Variants in CHD8 observed in about 807,000 individuals in gnomAD.
The protein encoded by CHD8 is chromodomain helicase DNA binding protein 8.
In CHD8, 31 loss-of-function variants were observed where a neutral mutation model predicts 279.2. The observed-to-expected ratio is 0.11, with a 90% CI of 0.08 to 0.15. The LOEUF (loss-of-function observed/expected upper bound fraction) is 0.15, where lower values mean the gene tolerates loss of function less well. Among genes scored for constraint, CHD8 ranks in the 10% least tolerant of loss-of-function variants. CHD8 has a pLI of 1.00. For missense variants in CHD8, 2,146 were observed against 3,230.5 expected (o/e 0.66, Z 8.14); for synonymous variants, 1,081 against 1,139.6 (o/e 0.95, Z 1.04).
chr14:21,394,914 T>G lies in CHD8; in HGVS notation c.5388A>C (p.Gln1796His). Reference sequence around the variant, plus strand: ...ACAAGTTCCCAGCTATATTTTACCGTTGTTGTTTCTCCCGCCGTGCAATTT... The same window carrying G: ...ACAAGTTCCCAGCTATATTTTACCGGTGTTGTTTCTCCCGCCGTGCAATTT... ...LKEIARREKQ[Q>H]RWTRREQTDF... The change falls in exon 30 of 38, where the codon CAA (glutamine) becomes CAC (histidine). Residue 1796 changes from glutamine (Q) to histidine (H), a missense_variant and splice_region_variant. Gln to His is a conservative substitution (Grantham distance 24). Around this residue, in one of 26 missense-constraint regions of CHD8, gnomAD observed 513 missense variants for 637.6 expected, o/e 0.80. Transcript: ENST00000646647. The G allele has an allele frequency of 6.2e-7, 1 of 1,613,590 alleles. No homozygotes were observed. The highest frequency in any genetic ancestry group is 8.5e-7 in the Non-Finnish European group (1 of 1,179,526).
At position 21,403,005 on chromosome 14, in the gene CHD8, G is replaced by C; in HGVS notation, c.3714+12C>G. The C allele has an allele frequency of 6.2e-7, 1 of 1,606,374 alleles. No individual in the cohort carries two copies. Among genetic ancestry groups the C allele is most frequent in the Admixed American group, 1.7e-5 (1 of 59,618 alleles). On this transcript the variant is annotated intron_variant, in intron 18 of 37. Coordinates refer to ENST00000646647, the MANE Select transcript of CHD8 (RefSeq NM_001170629.2). This position sits in a 1 kb window ranked among gnomAD's most constrained non-coding sequence, Gnocchi z 4.3. The stretch of plus-strand genomic sequence containing the variant: ...TTAGGTAGTTAGTCCCTAAGACAAT[G>C]AATTCCTTTACCTGCAGGTCATTTT...
chr14:21,418,380 C>A (rs1392078239), intron 5 of CHD8, among the ~76,000 whole-genome samples: 1 of 151,732 alleles, frequency 6.6e-6, no homozygotes, highest in Admixed American at 6.6e-5. Context: ...ATGAGATGGG[C>A]ATGGTGGCGT....
At chr14:21,404,545 A>G (rs1294279237) in intron 16 of CHD8, among the ~76,000 whole-genome samples, 1 of 152,338 alleles carries the variant, frequency 6.6e-6, no homozygotes, top group East Asian at 1.9e-4. Context: ...CAGCACCCAA[A>G]AGAGACAGAA....
At chr14:21,446,187 G>A (rs554918435) in intron 1 of CHD8, among the ~76,000 whole-genome samples, 5 of 152,216 alleles carry the variant, frequency 3.3e-5, no homozygotes, top group African/African-American at 7.2e-5. Flanking sequence ...GCGAGATTCC[G>A]TCTCAGAAAA....
rs747531464 is a variant in CHD8, at chr14:21,428,045, G to A, written c.1425C>T (p.Arg475=). The change falls in exon 4 of 38, where the codon CGC becomes CGT. Residue 475 remains arginine (R), a synonymous_variant. Coordinates refer to ENST00000646647, the MANE Select transcript of CHD8 (RefSeq NM_001170629.2). ...AGACTCGAGGTATGTTCTGCTCACC[G>A]CGGGCACGGGCTCTCGCAATGGCCT... ...VAEAIARARA[R]GEQNIPRVLN... is the part of the protein sequence containing the mutation. The A allele has an allele frequency of 6.2e-6, 10 of 1,614,010 alleles. No individual in the cohort carries two copies. Among genetic ancestry groups the A allele is most frequent in the South Asian group, 3.3e-5 (3 of 91,082 alleles).
Position 21,393,891 on chromosome 14 carries a change from A to G in CHD8, c.5904T>C (p.His1968=). Residue 1968 remains histidine (H), a synonymous_variant, in exon 32 of 38, where the codon CAT becomes CAC. Transcript: ENST00000646647. ...AGGATGGAGCTGGTGCTCCTGCTTGATGGTTCTGCATATAATTCATACGGG... is the reference window on the plus strand; with the variant it reads ...AGGATGGAGCTGGTGCTCCTGCTTGGTGGTTCTGCATATAATTCATACGGG... ...LAARMNYMQN[H]QAGAPAPSLS... 5.0e-6 allele frequency: 8 copies of G among 1,613,952 alleles called. No individual in the cohort carries two copies. The highest frequency in any genetic ancestry group is 6.8e-6 in the Non-Finnish European group (8 of 1,179,874).
In CHD8 at chr14:21,385,863, GGGTGGT is replaced by G. The variant is rs774490485; in HGVS notation, c.7490_7495del (p.His2497_His2498del). 16 of 1,542,358 alleles carry G rather than the reference GGGTGGT, an allele frequency of 1.0e-5. No homozygotes were observed. Among genetic ancestry groups the G allele is most frequent in the African/African-American group, 5.5e-5 (4 of 72,652 alleles). ...GTGATGGTGGTGATGGTGGGGGTGG[GGGTGGT>G]GGTGGTGGTGATGAAGCATGGTGCT... On this transcript the variant is annotated inframe_deletion, in exon 38 of 38. Coordinates refer to ENST00000646647, the MANE Select transcript of CHD8 (RefSeq NM_001170629.2).
Position 21,395,042 on chromosome 14 carries a change from T to C in CHD8, c.5260A>G (p.Thr1754Ala). 6.2e-7 allele frequency: 1 copy of C among 1,614,032 alleles called. No individual in the cohort carries two copies. Among genetic ancestry groups the C allele is most frequent in the Non-Finnish European group, 8.5e-7 (1 of 1,179,904 alleles). The change falls in exon 30 of 38, where the codon ACA (threonine) becomes GCA (alanine). Residue 1754 changes from threonine to alanine, a missense_variant. Physicochemically the swap from Thr to Ala is moderately conservative, Grantham distance 58. Transcript: ENST00000646647. ...CTCTTGTAGCTGCGCTGATACGCTG[T>C]TACTAGACGCCGAAGCCTAGCTGTT... ...ALTARLRRLV[T>A]AYQRSYKREQ...
chr14:21,432,499 A>G (rs1285909777), intron 1 of CHD8, among the ~76,000 whole-genome samples: 1 of 152,220 alleles, frequency 6.6e-6, no homozygotes, highest in Non-Finnish European at 1.5e-5. Flanking sequence ...AAAAAGGTCA[A>G]TTGCAAGGGA....
intron 27 of CHD8, 38 bp downstream of exon 27, chr14:21,397,785 C>G: frequency 6.2e-7 from 1 of 1,600,738 alleles, no homozygotes; most frequent in Non-Finnish European, 8.5e-7. Context: ...TTTCACGGCA[C>G]AAGTTAGAGT....
At chr14:21,448,385 A>C (rs1485467203) in intron 1 of CHD8, among the ~76,000 whole-genome samples, 1 of 152,250 alleles carries the variant, frequency 6.6e-6, no homozygotes, top group Non-Finnish European at 1.5e-5. Flanking sequence ...AACTAAGTTA[A>C]ATAAAAGAAA....
intron 1 of CHD8, among the ~76,000 whole-genome samples, chr14:21,448,562 C>CT (rs1382378885): frequency 3.3e-5 from 5 of 151,232 alleles, no homozygotes; most frequent in East Asian, 2.0e-4. Context: ...CAGCACTGAA[C>CT]TTTTTTTTTG....
At chr14:21,429,480 T>C (rs1287404333) in intron 2 of CHD8, 145 bp from the exon 3 acceptor site, 4 of 870,126 alleles carry the variant, frequency 4.6e-6, no homozygotes, top group Non-Finnish European at 7.8e-6. Flanking sequence ...TCATCCTATC[T>C]GTCTTGATGC....
rs1372623246 is a variant in CHD8, at chr14:21,391,739, T to C, written c.6885+94A>G. On this transcript the variant is annotated intron_variant, in intron 35 of 37. Coordinates refer to ENST00000646647, the MANE Select transcript of CHD8 (RefSeq NM_001170629.2). ...AATGGTAGTCATGAAATGACTCTAG[T>C]ATTTTCCATTCCCCCAGTCCCACTG... 2.6e-6 allele frequency: 4 copies of C among 1,516,704 alleles called. No individual in the cohort carries two copies. The African/African-American group carries it at 5.5e-5, about 21-fold the overall frequency. The allele number at this position is 1,516,704 out of a possible 1,614,324, so 94.0% of individuals were successfully genotyped here. A position where few individuals can be genotyped will look rare whatever the true frequency, so the allele number is the denominator to read the frequency against.
At chr14:21,440,934 T>C (rs935831914) in intron 1 of CHD8, among the ~76,000 whole-genome samples, 3 of 152,052 alleles carry the variant, frequency 2.0e-5, no homozygotes, top group Non-Finnish European at 2.9e-5. Flanking sequence ...CATTTGCTAG[T>C]TTTTTTCTGC....
intron 28 of CHD8, 167 bp downstream of exon 28, chr14:21,395,650 C>A: frequency 1.6e-6 from 1 of 611,640 alleles, no homozygotes. Flanking sequence ...TCTCCCCCTA[C>A]TGGCATTACA....
At position 21,393,473 on chromosome 14, in the gene CHD8, C is replaced by A; in HGVS notation, c.6319+3G>T. 6.4e-7 allele frequency: 1 copy of A among 1,558,272 alleles called. No homozygotes were observed. The highest frequency in any genetic ancestry group is 8.7e-7 in the Non-Finnish European group (1 of 1,150,654). On this transcript the variant is annotated splice_donor_region_variant and intron_variant, in intron 32 of 37. Transcript: ENST00000646647. ...GGGCCAACAGCCTGTCACATGCACT[C>A]ACTTAGCTTCTCTTCCTTCTCATCC... is the stretch of plus-strand genomic sequence containing the variant.
At chr14:21,392,058 A>C in intron 34 of CHD8, 112 bp from the exon 35 acceptor site, 1 of 813,502 alleles carries the variant, frequency 1.2e-6, no homozygotes, top group East Asian at 2.4e-5. Context: ...AATGATGGTG[A>C]GAAGGAAGGC....
chr14:21,409,833 T>C lies in CHD8; in HGVS notation c.2364+18A>G, dbSNP rs780532642. The C allele has an allele frequency of 2.5e-6, 4 of 1,608,030 alleles. No homozygotes were observed. Among genetic ancestry groups the C allele is most frequent in the Non-Finnish European group, 3.4e-6 (4 of 1,177,174 alleles). On this transcript the variant is annotated intron_variant, in intron 11 of 37. Transcript: ENST00000646647. ...ATTTCTTATGTAGGCCTTTATACTT[T>C]AATGCAAATGTACTTACCACCCTTT... is the stretch of plus-strand genomic sequence containing the variant.
Sources: allele counts gnomAD v4.1 joint callset (sites outside exome capture counted in the v4.1 genomes callset), GRCh38; gene constraint gnomAD v4.1.1; regional missense constraint gnomAD v4.1.1; non-coding constraint Gnocchi (gnomAD v3.1); transcripts MANE v1.5; gene names NCBI Gene and HGNC (gene_info 2026-07-23, HGNC 2026-07-21).